GFOD2: variants seen among roughly 807,000 people sequenced by gnomAD.
GFOD2 encodes the protein glucose-fructose oxidoreductase domain-containing protein 2.
A neutral mutation model predicts 24.6 loss-of-function variants in GFOD2; 9 were observed. The ratio of observed to expected loss-of-function variants is 0.37; its 90% confidence interval spans 0.22 to 0.64. The LOEUF is 0.64. Ranked by LOEUF, GFOD2 falls within the 30% of genes least tolerant of loss-of-function variation. The probability of loss-of-function intolerance (pLI) is 0.65; values close to 1 mark genes in which losing one functional copy is unlikely to be tolerated. For missense variants in GFOD2, 476 were observed against 532.5 expected, an observed-to-expected ratio of 0.89 and a Z score of 1.04; for synonymous variants, 211 against 224.8, an observed-to-expected ratio of 0.94 and a Z score of 0.55.
chr16:67,687,325 TAAAAGA>T (rs1403742615), intron 1 of GFOD2, among the ~76,000 whole-genome samples: 1 of 151,508 alleles, frequency 6.6e-6, no homozygotes, highest in African/African-American at 2.4e-5. Flanking sequence ...TCAAACTGGC[TAAAAGA>T]AAAAGTATGC....
At chr16:67,715,587 A>AT (rs1384621903) in intron 1 of GFOD2, among the ~76,000 whole-genome samples, 1 of 152,158 alleles carries the variant, frequency 6.6e-6, no homozygotes, top group Admixed American at 6.5e-5. Flanking sequence ...CTCACTTTTT[A>AT]AAACACCTGC....
intron 1 of GFOD2, among the ~76,000 whole-genome samples, chr16:67,718,775 C>G (rs2053524247): frequency 6.6e-6 from 1 of 152,210 alleles, no homozygotes; most frequent in Non-Finnish European, 1.5e-5. Context: ...AGCCCTTTGT[C>G]TGAGCTTCTA....
chr16:67,711,448 T>C (rs1462498832), intron 1 of GFOD2, among the ~76,000 whole-genome samples: 1 of 152,212 alleles, frequency 6.6e-6, no homozygotes, highest in Non-Finnish European at 1.5e-5. Flanking sequence ...GTAGTAACCA[T>C]GGCTCAGTCC....
chr16:67,682,568 G>A, intron 2 of GFOD2: 1 of 985,422 alleles, frequency 1.0e-6, no homozygotes, highest in African/African-American at 1.7e-5. Context: ...GATGAAATCG[G>A]AGGTAGAAGA....
At chr16:67,709,284 G>T (rs2053457753) in intron 1 of GFOD2, among the ~76,000 whole-genome samples, 1 of 151,702 alleles carries the variant, frequency 6.6e-6, no homozygotes, top group Admixed American at 6.6e-5. Context: ...CTCCAGCCTG[G>T]GCAACAGAGC....
intron 1 of GFOD2, among the ~76,000 whole-genome samples, chr16:67,689,650 G>A (rs377047720): frequency 2.7e-4 from 41 of 151,988 alleles, no homozygotes; most frequent in East Asian, 1.6e-3. Context: ...CAGCCTGGGC[G>A]ACAGAGCAAG....
At chr16:67,704,461 T>C (rs908415923) in intron 1 of GFOD2, among the ~76,000 whole-genome samples, 3 of 152,206 alleles carry the variant, frequency 2.0e-5, no homozygotes, top group Non-Finnish European at 2.9e-5. Context: ...CATCGTTTTT[T>C]GGATTAGTGA....
In GFOD2 at chr16:67,704,509, T is replaced by C. The variant is rs565254573; in HGVS notation, c.-88+14654A>G. 1.2e-4 allele frequency among the ~76,000 whole-genome samples: 18 copies of C among 152,332 alleles called. No individual in the cohort carries two copies. The South Asian group carries it at 3.7e-3, about 32-fold the overall frequency. ...TAATTACAATTTCACAGAAGTATACTAGCTCTAATTTCTCTTTTTGCCCAA... is the reference window on the plus strand; with the variant it reads ...TAATTACAATTTCACAGAAGTATACCAGCTCTAATTTCTCTTTTTGCCCAA... On this transcript the variant is annotated intron_variant, in intron 1 of 2. Transcript: ENST00000268797.
rs1460934331 is a variant in GFOD2, at chr16:67,707,670, A to C, written c.-88+11493T>G. ...GTCACACAATGGAATACAGTAAAAC[A>C]GTAAAAAGGAATTAACTATTAATGA... On this transcript the variant is annotated intron_variant, in intron 1 of 2. Transcript: ENST00000268797. Among the ~76,000 whole-genome samples, 3 of 152,226 alleles carry C rather than the reference A, an allele frequency of 2.0e-5. No homozygotes were observed. In the East Asian group the frequency reaches 5.8e-4, roughly 29 times the overall value.
chr16:67,705,574 CAG>C (rs2053433368), intron 1 of GFOD2, among the ~76,000 whole-genome samples: 1 of 152,158 alleles, frequency 6.6e-6, no homozygotes, highest in Non-Finnish European at 1.5e-5. Context: ...CTATTAGCAG[CAG>C]TGAGCTAGCT....
Position 67,675,776 on chromosome 16 carries a change from C to G in GFOD2, c.537G>C (p.Gly179=). 1 of 1,614,156 alleles carries G rather than the reference C, an allele frequency of 6.2e-7. No homozygotes were observed. Among genetic ancestry groups the G allele is most frequent in the Non-Finnish European group, 8.5e-7 (1 of 1,180,036 alleles). The change falls in exon 3 of 3, where the codon GGG becomes GGC. Residue 179 remains glycine, a synonymous_variant. Coordinates refer to ENST00000268797, the MANE Select transcript of GFOD2 (RefSeq NM_030819.4). The stretch of plus-strand genomic sequence containing the variant: ...GGGTCAGCAGGTCCACAATGTAGGT[C>G]CCCATGGTGTGCAAGCCCCCGCCGC... The part of the protein sequence containing the change: ...LMGGGGLHTM[G]TYIVDLLTHL...
intron 2 of GFOD2, chr16:67,681,823 T>A (rs2053227347): frequency 1.0e-6 from 1 of 985,092 alleles, no homozygotes; most frequent in Non-Finnish European, 1.2e-6. Flanking sequence ...TGGGTAGCCA[T>A]GAAAGACATG....
chr16:67,718,044 T>A (rs1203536640), intron 1 of GFOD2, among the ~76,000 whole-genome samples: 1 of 152,214 alleles, frequency 6.6e-6, no homozygotes, highest in East Asian at 1.9e-4. Context: ...ACTCTTTTGT[T>A]CTCTAGTGTA....
chr16:67,679,285 T>C (rs975321742), intron 2 of GFOD2, among the ~76,000 whole-genome samples: 2 of 150,270 alleles, frequency 1.3e-5, no homozygotes, highest in Non-Finnish European at 3.0e-5. Flanking sequence ...CAGGCTGGAG[T>C]GCAATGGTAC....
chr16:67,675,073 C>T lies in GFOD2; in HGVS notation c.*82G>A, dbSNP rs745949154. ...CATTAAATGAAAGACACTGTCTCTG[C>T]TAGGGCCAAGTCCCTGTCATGTCTG... is the stretch of plus-strand genomic sequence containing the variant. On this transcript the variant is annotated 3_prime_UTR_variant, in exon 3 of 3. Transcript: ENST00000268797. 2 of 1,450,350 alleles carry T rather than the reference C, an allele frequency of 1.4e-6. No individual in the cohort carries two copies. The highest frequency in any genetic ancestry group is 1.9e-6 in the Non-Finnish European group (2 of 1,069,936). The allele number at this position is 1,450,350 out of a possible 1,614,324, so 89.8% of individuals were successfully genotyped here.
rs766501281 is a variant in GFOD2, at chr16:67,685,621, G to T, written c.95C>A (p.Ala32Asp). Reference sequence around the variant, plus strand: ...CTCCTCCTCAGTCTTCCCCCACAGGGCCTCAACAGTGAACCCTTCTGCCCT... The same window carrying T: ...CTCCTCCTCAGTCTTCCCCCACAGGTCCTCAACAGTGAACCCTTCTGCCCT... ...LLRAEGFTVE[A>D]LWGKTEEEAK... The change falls in exon 2 of 3, where the codon GCC (alanine) becomes GAC (aspartate). Residue 32 changes from alanine to aspartate, a missense_variant. Physicochemically the swap from Ala to Asp is moderately radical, Grantham distance 126. Transcript: ENST00000268797. The T allele has an allele frequency of 6.2e-7, 1 of 1,614,122 alleles. No individual in the cohort carries two copies. Among genetic ancestry groups the T allele is most frequent in the East Asian group, 2.2e-5 (1 of 44,880 alleles).
intron 1 of GFOD2, among the ~76,000 whole-genome samples, chr16:67,694,980 T>C (rs1329726043): frequency 6.8e-6 from 1 of 146,884 alleles, no homozygotes; most frequent in Non-Finnish European, 1.5e-5. Context: ...ACTTTCTCCA[T>C]CTCTCTCTTT....
chr16:67,715,829 T>G (rs1026831218), intron 1 of GFOD2, among the ~76,000 whole-genome samples: 1 of 148,062 alleles, frequency 6.8e-6, no homozygotes, highest in Non-Finnish European at 1.5e-5. Context: ...GAGACCCCCA[T>G]CTCTACAAAA....
At chr16:67,699,659 C>T (rs548202148) in intron 1 of GFOD2, among the ~76,000 whole-genome samples, 6 of 152,072 alleles carry the variant, frequency 3.9e-5, no homozygotes, top group South Asian at 4.1e-4. Context: ...AATTTTTGTA[C>T]ATTTTGTAGA....
Sources: gnomAD v4.1 joint callset for allele counts (sites outside exome capture counted in the v4.1 genomes callset) on GRCh38, gnomAD v4.1.1 for gene constraint, MANE v1.5 for transcripts, NCBI Gene and HGNC (gene_info 2026-07-23, HGNC 2026-07-21) for gene names.